The following SIN3A variants were observed in gnomAD, a reference collection of about 807,000 sequenced individuals.
SIN3A encodes the protein paired amphipathic helix protein Sin3a.
A neutral mutation model predicts 146.1 loss-of-function variants in SIN3A; 14 were observed. The observed-to-expected ratio is 0.10, with a 90% confidence interval of 0.06 to 0.15. The LOEUF is 0.15. Among genes scored for constraint, SIN3A ranks in the 10% least tolerant of loss-of-function variants. SIN3A has a pLI of 1.00. For synonymous variants in SIN3A, 572 were observed against 572.0 expected, an observed-to-expected ratio of 1.00 and a Z score of 0.00; for missense variants, 1,028 against 1,576.0, an observed-to-expected ratio of 0.65 and a Z score of 5.89.
intron 19 of SIN3A, among the ~76,000 whole-genome samples, chr15:75,376,852 A>G (rs1042817169): frequency 3.8e-5 from 5 of 130,404 alleles, no homozygotes; most frequent in Non-Finnish European, 7.9e-5. Context: ...AGAGCCAGAC[A>G]CTGTCTTAAA....
intron 2 of SIN3A, among the ~76,000 whole-genome samples, chr15:75,424,864 C>G (rs554538374): frequency 1.8e-3 from 267 of 152,202 alleles, no homozygotes; most frequent in African/African-American, 6.1e-3. Flanking sequence ...TATGCCATTA[C>G]AAACTAGTAA....
At chr15:75,416,054 G>A in intron 3 of SIN3A, 3 of 283,462 alleles carry the variant, frequency 1.1e-5, no homozygotes, top group South Asian at 8.9e-5. Flanking sequence ...TGTACTTCTG[G>A]TGACTGTAAA....
At chr15:75,422,949 T>C in intron 2 of SIN3A, 126 bp from the exon 3 acceptor site, 1 of 908,396 alleles carries the variant, frequency 1.1e-6, no homozygotes. Flanking sequence ...CTGGGCGTGA[T>C]GGCTCACACC....
rs2073211104 is a variant in SIN3A at position 75,391,946 on chromosome 15, G to GT, written c.2851+295dup. On this transcript the variant is annotated intron_variant, in intron 15 of 20. Transcript: ENST00000394947. ...TATCTGTACTTTGAAACAGATGGCA[G>GT]TAACCCAGAAATCTGCCATTTGAGA... 2.0e-5 allele frequency among the ~76,000 whole-genome samples: 3 copies of GT among 152,326 alleles called. No homozygotes were observed. The South Asian group carries it at 6.2e-4, about 32-fold the overall frequency.
At chr15:75,455,324 G>A (rs541305290), upstream of SIN3A, among the ~76,000 whole-genome samples, 11 of 152,244 alleles carry the variant, frequency 7.2e-5, no homozygotes, top group South Asian at 2.1e-4. Flanking sequence ...GCCCCCTGCC[G>A]AGCCCGCACG....
rs1363246709 is a variant in SIN3A at position 75,369,528 on chromosome 15, T to C, written c.*2451A>G. 3 of 152,222 alleles carry C rather than the reference T, an allele frequency of 2.0e-5. No homozygotes were observed. Among genetic ancestry groups the C allele is most frequent in the Non-Finnish European group, 2.9e-5 (2 of 68,038 alleles). The allele number at this position is 152,222 out of a possible 1,614,324, so 9.4% of individuals were successfully genotyped here. On this transcript the variant is annotated 3_prime_UTR_variant, in exon 21 of 21. Transcript: ENST00000394947. ...ATATAATACAGGTTGGGTTTAGAGC[T>C]TGGAGCTCAGATGTCAGACAGCAGG...
At chr15:75,418,439 C>T (rs2073781901) in intron 3 of SIN3A, among the ~76,000 whole-genome samples, 1 of 152,098 alleles carries the variant, frequency 6.6e-6, no homozygotes, top group South Asian at 2.1e-4. Flanking sequence ...GATTCTCGTG[C>T]CTCAGCCTCC....
chr15:75,370,776 T>C lies in SIN3A; in HGVS notation c.*1203A>G, dbSNP rs530217970. The C allele has an allele frequency of 2.6e-5, 4 of 152,338 alleles. No individual in the cohort carries two copies. The highest frequency in any genetic ancestry group is 9.6e-5 in the African/African-American group (4 of 41,582). The allele number at this position is 152,338 out of a possible 1,614,324, so 9.4% of individuals were successfully genotyped here. On this transcript the variant is annotated 3_prime_UTR_variant, in exon 21 of 21. Coordinates refer to ENST00000394947, the MANE Select transcript of SIN3A (RefSeq NM_001145358.2). ...GGGAAAAAAACACGTACTAAAAGAC[T>C]TAAGTATTCTAAGATTTTGGAATAT...
intron 1 of SIN3A, among the ~76,000 whole-genome samples, chr15:75,437,107 T>C (rs1421440867): frequency 2.0e-5 from 3 of 152,018 alleles, no homozygotes; most frequent in African/African-American, 7.2e-5. Flanking sequence ...CAGCCAAGTC[T>C]TCCATGTATG....
At position 75,422,863 on chromosome 15, in the gene SIN3A, G is replaced by A. The variant is rs761358034; in HGVS notation, c.190-40C>T. 2.9e-5 allele frequency: 45 copies of A among 1,576,996 alleles called. 1 individual carries two copies. The Admixed American group carries it at 7.1e-4, about 25-fold the overall frequency. ...ATACAGACAGGAAACTTCAAGGCTT[G>A]TACATTCTTCCCCAAATGAGTCTAA... On this transcript the variant is annotated intron_variant, in intron 2 of 20. Transcript: ENST00000394947.
chr15:75,452,255 G>A (rs769801172), upstream of SIN3A, among the ~76,000 whole-genome samples: 1 of 152,218 alleles, frequency 6.6e-6, no homozygotes, highest in Non-Finnish European at 1.5e-5. Flanking sequence ...GTCTAGGAAG[G>A]AGCTAATTCC....
Position 75,433,078 on chromosome 15 carries a change from C to T in SIN3A, c.-33-2670G>A, listed in dbSNP as rs370214816. On this transcript the variant is annotated intron_variant, in intron 1 of 20. Transcript: ENST00000394947. ...AAAAAAAAACTTTATAAATAATAAG[C>T]CAAAATCAGATGTGAAGAGCACGGC... Among the ~76,000 whole-genome samples, 99 of 152,112 alleles carry T rather than the reference C, an allele frequency of 6.5e-4. 2 individuals are homozygous for T. The South Asian group carries it at 0.019, about 30-fold the overall frequency.
intron 1 of SIN3A, among the ~76,000 whole-genome samples, chr15:75,436,772 A>C (rs2074114779): frequency 6.6e-6 from 1 of 152,010 alleles, no homozygotes; most frequent in African/African-American, 2.4e-5. Flanking sequence ...AAAAAAAAAA[A>C]CAGGAAGAAA....
upstream of SIN3A, among the ~76,000 whole-genome samples, chr15:75,452,639 G>A (rs1156230408): frequency 6.6e-6 from 1 of 152,206 alleles, no homozygotes; most frequent in Non-Finnish European, 1.5e-5. Flanking sequence ...AGAGGGCGGA[G>A]ATAACCAAAA....
intron 3 of SIN3A, chr15:75,422,418 G>A (rs1347084323): frequency 1.3e-5 from 8 of 608,888 alleles, no homozygotes; most frequent in Middle Eastern, 3.0e-4. Context: ...ACATTTGACC[G>A]ACATGCATTC....
At chr15:75,380,874 A>G (rs1249349066) in intron 18 of SIN3A, 151 bp from the exon 19 acceptor site, 2 of 611,156 alleles carry the variant, frequency 3.3e-6, no homozygotes, top group Non-Finnish European at 5.9e-6. Context: ...CATGATTGTT[A>G]GTAGGTATTG....
At chr15:75,427,712 G>A (rs1265090394) in intron 2 of SIN3A, among the ~76,000 whole-genome samples, 2 of 151,700 alleles carry the variant, frequency 1.3e-5, no homozygotes, top group African/African-American at 4.8e-5. Context: ...GCTCACACCT[G>A]TAATCCCGGT....
chr15:75,447,896 G>A (rs1037208368), intron 1 of SIN3A, among the ~76,000 whole-genome samples: 3 of 152,148 alleles, frequency 2.0e-5, no homozygotes, highest in Admixed American at 1.3e-4. Context: ...ACCCATGACC[G>A]GGCACGGTGA....
chr15:75,454,493 G>A (rs985115280), upstream of SIN3A, among the ~76,000 whole-genome samples: 9 of 151,232 alleles, frequency 6.0e-5, no homozygotes, highest in Non-Finnish European at 1.2e-4. Flanking sequence ...CCGCCCGGCC[G>A]GGACGGTTCC....
Sources: allele counts gnomAD v4.1 joint callset (sites outside exome capture counted in the v4.1 genomes callset), GRCh38; gene constraint gnomAD v4.1.1; transcripts MANE v1.5; gene names NCBI Gene and HGNC (gene_info 2026-07-23, HGNC 2026-07-21).